Variants in SGCD observed in about 807,000 individuals in gnomAD.
SGCD encodes the protein sarcoglycan delta, also known as delta-sarcoglycan.
SGCD carries 18 observed loss-of-function variants against 36.6 expected under a neutral mutation model. That is an observed-to-expected ratio of 0.49 (90% CI 0.34 to 0.73). The LOEUF (loss-of-function observed/expected upper bound fraction) is 0.73, where lower values mean the gene tolerates loss of function less well. Ranked by LOEUF, SGCD falls within the 30% of genes least tolerant of loss-of-function variation. The pLI, the probability that SGCD is intolerant of heterozygous loss-of-function variation, is 0.01. For synonymous variants in SGCD, 133 were observed against 130.6 expected, an observed-to-expected ratio of 1.02 and a Z score of -0.12; for missense variants, 387 against 346.7, an observed-to-expected ratio of 1.12 and a Z score of -0.92.
intron 6 of SGCD, among the ~76,000 whole-genome samples, chr5:156,624,869 A>G (rs1398026358): frequency 6.6e-6 from 1 of 152,186 alleles, no homozygotes; most frequent in Non-Finnish European, 1.5e-5. Flanking sequence ...TAGGCTGATA[A>G]AGCACAAGAG....
the SGCD span, among the ~76,000 whole-genome samples, chr5:155,854,153 A>G: frequency 1.3e-5 from 2 of 152,174 alleles, no homozygotes; most frequent in South Asian, 4.1e-4. Context: ...AGGATTCGTT[A>G]ATCAAGGCAC....
intron 1 of SGCD, among the ~76,000 whole-genome samples, chr5:156,037,490 C>T (rs568863750): frequency 1.3e-5 from 2 of 152,318 alleles, no homozygotes; most frequent in Admixed American, 6.5e-5. Context: ...ACTCTGTAAG[C>T]AGGCAATTTG....
chr5:156,169,565 T>C (rs75913555), intron 3 of SGCD, among the ~76,000 whole-genome samples: 2,247 of 152,262 alleles, frequency 0.015, 27 homozygotes, highest in Non-Finnish European at 0.024. Flanking sequence ...GGGGACAAAC[T>C]ATAAATAAGG....
At chr5:156,302,194 C>T (rs909681010) in intron 3 of SGCD, among the ~76,000 whole-genome samples, 3 of 151,772 alleles carry the variant, frequency 2.0e-5, no homozygotes, top group Admixed American at 1.3e-4. Flanking sequence ...TGCTTCATTC[C>T]TTTTTATTCT....
chr5:156,462,565 A>G (rs538205121), intron 3 of SGCD, among the ~76,000 whole-genome samples: 8 of 152,196 alleles, frequency 5.3e-5, no homozygotes, highest in Non-Finnish European at 8.8e-5. Flanking sequence ...TGTGCTTATA[A>G]ATCAGATAAC....
the SGCD span, among the ~76,000 whole-genome samples, chr5:155,847,588 A>G: frequency 6.6e-6 from 1 of 152,186 alleles, no homozygotes; most frequent in Non-Finnish European, 1.5e-5. Flanking sequence ...GCCTTGCCCT[A>G]AAAAGGACTG....
chr5:156,424,689 A>G (rs1040362914), intron 3 of SGCD, among the ~76,000 whole-genome samples: 2 of 152,074 alleles, frequency 1.3e-5, no homozygotes, highest in Non-Finnish European at 2.9e-5. Context: ...ATTCAAGAGG[A>G]GGACTCAGGG....
chr5:156,151,770 A>AT (rs1044092344), intron 3 of SGCD, among the ~76,000 whole-genome samples: 7 of 151,386 alleles, frequency 4.6e-5, no homozygotes, highest in East Asian at 3.9e-4. Flanking sequence ...TTTTTCAAGG[A>AT]TTTTTTTAAG....
chr5:156,101,616 G>A (rs1231492002), intron 1 of SGCD, among the ~76,000 whole-genome samples: 1 of 152,084 alleles, frequency 6.6e-6, no homozygotes, highest in Non-Finnish European at 1.5e-5. Context: ...GGCTACTATT[G>A]TGCCATTTCT....
intron 7 of SGCD, among the ~76,000 whole-genome samples, chr5:156,726,870 T>C (rs1017644893): frequency 3.3e-5 from 5 of 152,230 alleles, no homozygotes; most frequent in African/African-American, 1.2e-4. Context: ...TACATATCTG[T>C]ATGATTGTGG....
rs997544358 is a variant in SGCD, at chr5:156,216,805, G to A, written c.-44+92786G>A. 4.6e-5 allele frequency among the ~76,000 whole-genome samples: 7 copies of A among 152,330 alleles called. No individual in the cohort carries two copies. The South Asian group carries it at 8.3e-4, about 18-fold the overall frequency. ...TATAAGAAAATGAATGTGGCCGGGCGTGGTGGCTCACGCCTGTCATCCCAG... is the reference window on the plus strand; with the variant it reads ...TATAAGAAAATGAATGTGGCCGGGCATGGTGGCTCACGCCTGTCATCCCAG... On this transcript the variant is annotated intron_variant, in intron 3 of 9. Transcript: ENST00000517913.
chr5:156,193,477 G>T (rs1353245931), intron 3 of SGCD, among the ~76,000 whole-genome samples: 1 of 152,024 alleles, frequency 6.6e-6, no homozygotes, highest in Non-Finnish European at 1.5e-5. Flanking sequence ...CATTTCTCCT[G>T]GCCTCTGTGT....
chr5:156,755,658 C>T (rs1757307823), intron 7 of SGCD, among the ~76,000 whole-genome samples: 2 of 152,138 alleles, frequency 1.3e-5, no homozygotes, highest in Admixed American at 6.5e-5. Context: ...AGAACTGCAC[C>T]TGGTTCAGCA....
intron 7 of SGCD, among the ~76,000 whole-genome samples, chr5:156,716,928 T>C (rs893604349): frequency 6.6e-6 from 1 of 152,254 alleles, no homozygotes. Flanking sequence ...ATATTATGCT[T>C]TTTAATTAAA....
At chr5:156,138,840 A>C (rs77016117) in intron 3 of SGCD, among the ~76,000 whole-genome samples, 3,079 of 152,322 alleles carry the variant, frequency 0.02, 45 homozygotes, top group Non-Finnish European at 0.035. Context: ...TTTTCTTGTC[A>C]ATACTTGGTA....
intron 3 of SGCD, among the ~76,000 whole-genome samples, chr5:156,320,507 A>G (rs1767629483): frequency 6.6e-6 from 1 of 152,230 alleles, no homozygotes; most frequent in Non-Finnish European, 1.5e-5. Context: ...TTTTCACTGA[A>G]AAGAAACAGA....
chr5:156,344,473 G>T lies in SGCD; in HGVS notation c.4-16G>T. The T allele has an allele frequency of 1.3e-6, 2 of 1,525,154 alleles. No individual in the cohort carries two copies. The highest frequency in any genetic ancestry group is 1.3e-5 in the South Asian group (1 of 74,884). 94.5% of individuals were successfully genotyped at this position (1,525,154 alleles called of 1,614,324 possible). On this transcript the variant is annotated splice_polypyrimidine_tract_variant and intron_variant, in intron 2 of 8. Transcript: ENST00000337851. ...GGTTTAATGTGAGTGCTTCTCTCTT[G>T]CCTCGTTTATTTCAGATGCCTCAGG...
At chr5:156,562,406 G>A (rs964600663) in intron 4 of SGCD, among the ~76,000 whole-genome samples, 5 of 151,988 alleles carry the variant, frequency 3.3e-5, no homozygotes, top group Non-Finnish European at 1.5e-5. Context: ...GACATATCCT[G>A]GCCAAAGTGA....
intron 1 of SGCD, among the ~76,000 whole-genome samples, chr5:156,071,046 C>T (rs976802879): frequency 1.9e-4 from 29 of 152,158 alleles, no homozygotes; most frequent in Middle Eastern, 3.4e-3. Flanking sequence ...GTCTTGCTAG[C>T]GGTCTATCAA....
Sources: gnomAD v4.1 joint callset for allele counts (sites outside exome capture counted in the v4.1 genomes callset) on GRCh38, gnomAD v4.1.1 for gene constraint, MANE v1.5 for transcripts, NCBI Gene and HGNC (gene_info 2026-07-23, HGNC 2026-07-21) for gene names.